Variants in CNTN5 observed in about 807,000 individuals in gnomAD.
CNTN5 encodes contactin-5.
Under a neutral mutation model 129.1 loss-of-function variants are expected in CNTN5, and 77 were observed. The ratio of observed to expected loss-of-function variants is 0.60; its 90% confidence interval spans 0.50 to 0.72. The LOEUF is 0.72. Among genes scored for constraint, CNTN5 ranks in the 30% least tolerant of loss-of-function variants. The probability of loss-of-function intolerance (pLI) is 0.00; values close to 1 mark genes in which losing one functional copy is unlikely to be tolerated. For missense variants in CNTN5, 1,478 were observed against 1,328.8 expected (o/e 1.11, Z -1.75); for synonymous variants, 509 against 465.6 (o/e 1.09, Z -1.20).
At chr11:99,935,105 TTAAA>T (rs947585222) in intron 7 of CNTN5, among the ~76,000 whole-genome samples, 27 of 151,062 alleles carry the variant, frequency 1.8e-4, no homozygotes, top group African/African-American at 6.6e-4. Flanking sequence ...ATCAATATAA[TTAAA>T]TTTTATACGA....
At chr11:99,262,709 A>G (rs1862698524) in intron 1 of CNTN5, among the ~76,000 whole-genome samples, 1 of 151,846 alleles carries the variant, frequency 6.6e-6, no homozygotes, top group Admixed American at 6.6e-5. Context: ...TGTTATGTAA[A>G]AACTTGTTTT....
At chr11:99,967,981 A>G (rs574765528) in intron 8 of CNTN5, among the ~76,000 whole-genome samples, 7 of 152,326 alleles carry the variant, frequency 4.6e-5, no homozygotes, top group African/African-American at 1.7e-4. Context: ...ATAAATGCCA[A>G]CAAATATTAA....
chr11:99,166,234 C>T (rs569254748), intron 1 of CNTN5, among the ~76,000 whole-genome samples: 1 of 151,876 alleles, frequency 6.6e-6, no homozygotes, highest in African/African-American at 2.4e-5. Flanking sequence ...AATTCCATGT[C>T]TACTAAATAT....
At chr11:99,875,505 G>C (rs1948609686) in intron 6 of CNTN5, among the ~76,000 whole-genome samples, 1 of 148,338 alleles carries the variant, frequency 6.7e-6, no homozygotes, top group South Asian at 2.2e-4. Context: ...TTTTCCCATA[G>C]CACTAAGGTA....
At chr11:99,252,508 A>G (rs1416409337) in intron 1 of CNTN5, among the ~76,000 whole-genome samples, 1 of 151,920 alleles carries the variant, frequency 6.6e-6, no homozygotes, top group East Asian at 1.9e-4. Flanking sequence ...AAAAAAGAAA[A>G]AAACATCTAA....
chr11:99,322,067 A>T (rs952299862), intron 1 of CNTN5, among the ~76,000 whole-genome samples: 3 of 152,112 alleles, frequency 2.0e-5, no homozygotes, highest in African/African-American at 7.2e-5. Context: ...CCTTGTCCCC[A>T]GTTGTATTAG....
intron 3 of CNTN5, among the ~76,000 whole-genome samples, chr11:99,738,740 C>A (rs1402312730): frequency 6.6e-6 from 1 of 151,536 alleles, no homozygotes; most frequent in East Asian, 1.9e-4. Context: ...TGCCACAGGA[C>A]CTGGGGCTTG....
At chr11:100,303,469 T>G (rs997701818) in intron 20 of CNTN5, among the ~76,000 whole-genome samples, 3 of 151,582 alleles carry the variant, frequency 2.0e-5, no homozygotes, top group African/African-American at 7.3e-5. Flanking sequence ...ACTTCGGAAA[T>G]GAAAAGAACT....
At chr11:100,154,653 C>G (rs1172928205) in intron 13 of CNTN5, among the ~76,000 whole-genome samples, 3 of 151,908 alleles carry the variant, frequency 2.0e-5, no homozygotes, top group African/African-American at 7.2e-5. Flanking sequence ...TGTAAAAGCC[C>G]TCCAATCTCT....
chr11:99,242,534 C>G (rs1050568017), intron 1 of CNTN5, among the ~76,000 whole-genome samples: 10 of 151,822 alleles, frequency 6.6e-5, no homozygotes, highest in Non-Finnish European at 2.9e-5. Context: ...AGGTTTGTTA[C>G]CTAGGTACAC....
rs1163660333 is a variant in CNTN5 at position 99,382,845 on chromosome 11, C to CTT, written c.-71+57390_-71+57391dup. 1.6e-3 allele frequency among the ~76,000 whole-genome samples: 123 copies of CTT among 77,014 alleles called. 18 individuals are homozygous for CTT. Among genetic ancestry groups the CTT allele is most frequent in the African/African-American group, 2.2e-3 (35 of 16,172 alleles). 50.5% of individuals were successfully genotyped at this position (77,014 alleles called of 152,430 possible). On this transcript the variant is annotated intron_variant, in intron 2 of 24. Transcript: ENST00000524871. ...ACATCTCACTAGTGTCTCTAAATAA[C>CTT]TTTTTTTTTTTTTTTTTTTTTTTTT...
At chr11:99,875,650 C>G (rs1305698305) in intron 6 of CNTN5, among the ~76,000 whole-genome samples, 1 of 152,082 alleles carries the variant, frequency 6.6e-6, no homozygotes, top group East Asian at 1.9e-4. Flanking sequence ...TTGTACAGTC[C>G]TAAAGCATTC....
intron 1 of CNTN5, among the ~76,000 whole-genome samples, chr11:99,284,365 T>C (rs567671793): frequency 6.6e-6 from 1 of 152,246 alleles, no homozygotes; most frequent in East Asian, 1.9e-4. Flanking sequence ...TTTTAAATTA[T>C]ATATCAAGAA....
intron 15 of CNTN5, among the ~76,000 whole-genome samples, chr11:100,203,310 C>A (rs1286082213): frequency 6.6e-6 from 1 of 151,874 alleles, no homozygotes; most frequent in Non-Finnish European, 1.5e-5. Flanking sequence ...TATCAACATC[C>A]CTTTTTAGGC....
At chr11:100,228,309 A>T (rs1949421854) in intron 16 of CNTN5, among the ~76,000 whole-genome samples, 1 of 152,198 alleles carries the variant, frequency 6.6e-6, no homozygotes, top group Non-Finnish European at 1.5e-5. Flanking sequence ...TACATGATGA[A>T]TCCAAAGTGT....
At position 100,347,280 on chromosome 11, in the gene CNTN5, A is replaced by T. The variant is rs1952303568; in HGVS notation, c.3031-3422A>T. The stretch of plus-strand genomic sequence containing the variant: ...CCCTGTATTTCTCTAGCTTCTTGGG[A>T]ACTGTATAGTCTATAGCCACTCTAG... On this transcript the variant is annotated intron_variant, in intron 23 of 24. Coordinates refer to ENST00000524871, the MANE Select transcript of CNTN5 (RefSeq NM_014361.4). 2.0e-5 allele frequency among the ~76,000 whole-genome samples: 3 copies of T among 151,978 alleles called. No homozygotes were observed. In the South Asian group the frequency reaches 6.2e-4, roughly 32 times the overall value.
intron 24 of CNTN5, 121 bp downstream of exon 24, chr11:100,350,991 C>T: frequency 5.8e-6 from 4 of 684,834 alleles, no homozygotes; most frequent in Non-Finnish European, 7.1e-6. Context: ...TTTCTCCTCT[C>T]TGATTTTTAT....
chr11:100,301,730 A>T (rs1349449784), intron 20 of CNTN5, among the ~76,000 whole-genome samples: 1 of 151,620 alleles, frequency 6.6e-6, no homozygotes, highest in African/African-American at 2.4e-5. Context: ...CTCAAATCTG[A>T]TCACACTAAC....
intron 2 of CNTN5, among the ~76,000 whole-genome samples, chr11:99,408,193 G>A (rs755944855): frequency 3.3e-5 from 5 of 151,588 alleles, no homozygotes; most frequent in Admixed American, 2.6e-4. Flanking sequence ...GTTTTTGCAG[G>A]CTTCTTTTTT....
Sources: allele counts gnomAD v4.1 joint callset (sites outside exome capture counted in the v4.1 genomes callset), GRCh38; gene constraint gnomAD v4.1.1; transcripts MANE v1.5; gene names NCBI Gene and HGNC (gene_info 2026-07-23, HGNC 2026-07-21).